ADAMTS16: variants seen among roughly 807,000 people sequenced by gnomAD.
ADAMTS16 encodes the protein ADAM metallopeptidase with thrombospondin type 1 motif 16, also known as A disintegrin and metalloproteinase with thrombospondin motifs 16.
In ADAMTS16, 94 loss-of-function variants were observed where a neutral mutation model predicts 145.8. That is an observed-to-expected ratio of 0.64 (90% CI 0.55 to 0.77). The LOEUF is 0.77. ADAMTS16 is among the 30% of genes least tolerant of loss of function. The probability of loss-of-function intolerance (pLI) is 0.00; values close to 1 mark genes in which losing one functional copy is unlikely to be tolerated. For missense variants in ADAMTS16, 1,585 were observed against 1,591.5 expected (o/e 1.00, Z 0.07); for synonymous variants, 659 against 604.3 (o/e 1.09, Z -1.33).
intron 3 of ADAMTS16, among the ~76,000 whole-genome samples, chr5:5,168,624 ATTAT>A (rs1250369131): frequency 0.13 from 14,703 of 113,396 alleles, 914 homozygotes; most frequent in South Asian, 0.18. Context: ...TATATATTAT[ATTAT>A]ATATAATATA....
chr5:5,223,646 A>T (rs536734626), intron 11 of ADAMTS16: 2 of 152,168 alleles, frequency 1.3e-5, no homozygotes, highest in African/African-American at 4.8e-5. Flanking sequence ...CAAAAGTCGG[A>T]AAAAAAAGAA....
intron 3 of ADAMTS16, among the ~76,000 whole-genome samples, chr5:5,157,623 G>A (rs534131758): frequency 7.5e-4 from 114 of 152,284 alleles, no homozygotes; most frequent in Non-Finnish European, 1.2e-3. Context: ...AGTGAAATGT[G>A]TCTTAAGCAG....
intron 18 of ADAMTS16, among the ~76,000 whole-genome samples, chr5:5,274,141 C>T (rs1008389193): frequency 9.2e-5 from 14 of 152,272 alleles, no homozygotes; most frequent in Middle Eastern, 3.4e-3. Flanking sequence ...GTCCACCCTT[C>T]CCCACCATCA....
intron 11 of ADAMTS16, among the ~76,000 whole-genome samples, chr5:5,227,953 G>T (rs1736817018): frequency 6.6e-6 from 1 of 152,268 alleles, no homozygotes; most frequent in African/African-American, 2.4e-5. Context: ...GTGGAATGAT[G>T]AACAGAACAT....
At chr5:5,173,930 T>A (rs1346905171) in intron 3 of ADAMTS16, among the ~76,000 whole-genome samples, 2 of 152,240 alleles carry the variant, frequency 1.3e-5, no homozygotes, top group Non-Finnish European at 2.9e-5. Flanking sequence ...GTAGTTATTA[T>A]TTTTGATGGT....
chr5:5,141,462 G>T (rs929194684), intron 2 of ADAMTS16, among the ~76,000 whole-genome samples: 13 of 152,200 alleles, frequency 8.5e-5, no homozygotes, highest in Non-Finnish European at 1.6e-4. Flanking sequence ...AGGGATCTCT[G>T]TGTCTTCATA....
At chr5:5,168,366 T>C (rs34877915) in intron 3 of ADAMTS16, among the ~76,000 whole-genome samples, 17,667 of 146,018 alleles carry the variant, frequency 0.12, 1,114 homozygotes, top group African/African-American at 0.15. Context: ...ATTATTATTA[T>C]TATTATTATT....
At chr5:5,201,401 C>G (rs937196972) in intron 9 of ADAMTS16, among the ~76,000 whole-genome samples, 2 of 151,900 alleles carry the variant, frequency 1.3e-5, no homozygotes, top group African/African-American at 4.8e-5. Flanking sequence ...AAATGAAGAA[C>G]AGAGGGAAGG....
chr5:5,168,068 T>A (rs1020802376), intron 3 of ADAMTS16, among the ~76,000 whole-genome samples: 2 of 152,148 alleles, frequency 1.3e-5, no homozygotes, highest in African/African-American at 4.8e-5. Flanking sequence ...CTGAAAGATG[T>A]CACAGAATTG....
chr5:5,300,091 T>C (rs984631875), intron 18 of ADAMTS16, among the ~76,000 whole-genome samples: 1 of 152,136 alleles, frequency 6.6e-6, no homozygotes, highest in African/African-American at 2.4e-5. Context: ...ATCGACCCAG[T>C]TGGAACGTCT....
intron 17 of ADAMTS16, among the ~76,000 whole-genome samples, chr5:5,249,435 G>T (rs934836677): frequency 1.3e-5 from 2 of 152,066 alleles, no homozygotes; most frequent in Non-Finnish European, 2.9e-5. Flanking sequence ...TTGACTCCCT[G>T]CATGAGACCC....
chr5:5,298,021 G>C (rs148867441), intron 18 of ADAMTS16, among the ~76,000 whole-genome samples: 1 of 152,140 alleles, frequency 6.6e-6, no homozygotes, highest in Non-Finnish European at 1.5e-5. Flanking sequence ...TGGGCTGTCC[G>C]TTCCCACATG....
intron 5 of ADAMTS16, 99 bp downstream of exon 5, chr5:5,186,350 T>C: frequency 1.8e-6 from 2 of 1,104,698 alleles, no homozygotes; most frequent in Admixed American, 4.0e-5. Flanking sequence ...ATTTTACTTG[T>C]TACCTGTGGA....
At chr5:5,290,500 C>T (rs1739265925) in intron 18 of ADAMTS16, among the ~76,000 whole-genome samples, 1 of 152,064 alleles carries the variant, frequency 6.6e-6, no homozygotes, top group Non-Finnish European at 1.5e-5. Flanking sequence ...ACTAAAAATA[C>T]AAAAATTAGC....
rs146162678 is a variant in ADAMTS16, at chr5:5,303,754, C to T, written c.3174C>T (p.Ser1058=). 1.1e-4 allele frequency: 175 copies of T among 1,612,848 alleles called. No individual in the cohort carries two copies. In the Middle Eastern group the frequency reaches 2.3e-3, roughly 21 times the overall value. ...HKPKKLQWLV[S]AWSQCSVTCE... is the part of the protein sequence containing the mutation. ...CCAAGAAGCTGCAGTGGCTGGTGTC[C>T]GCCTGGTCCCAGGTAGGTGCACTGG... Residue 1058 remains serine, a synonymous_variant, in exon 20 of 23, where the codon TCC becomes TCT. Coordinates refer to ENST00000274181, the MANE Select transcript of ADAMTS16 (RefSeq NM_139056.4).
intron 18 of ADAMTS16, among the ~76,000 whole-genome samples, chr5:5,280,187 A>C (rs1205271943): frequency 6.6e-6 from 1 of 152,080 alleles, no homozygotes; most frequent in Non-Finnish European, 1.5e-5. Flanking sequence ...AGGCACGTTA[A>C]GACTGAGTCA....
chr5:5,211,425 A>C (rs1261422344), intron 10 of ADAMTS16, among the ~76,000 whole-genome samples: 1 of 152,166 alleles, frequency 6.6e-6, no homozygotes, highest in Non-Finnish European at 1.5e-5. Context: ...TCATAATGAT[A>C]ATATGTATTT....
At chr5:5,160,741 A>G (rs1047719606) in intron 3 of ADAMTS16, among the ~76,000 whole-genome samples, 7 of 137,872 alleles carry the variant, frequency 5.1e-5, no homozygotes, top group African/African-American at 1.9e-4. Flanking sequence ...AAAACTTTAC[A>G]AACTTAAAAA....
intron 17 of ADAMTS16, among the ~76,000 whole-genome samples, chr5:5,248,113 T>C (rs949172573): frequency 2.0e-5 from 3 of 152,274 alleles, no homozygotes; most frequent in Admixed American, 2.0e-4. Flanking sequence ...GAACACCGTC[T>C]GGTTTTCCAT....
Sources: allele counts gnomAD v4.1 joint callset (sites outside exome capture counted in the v4.1 genomes callset), GRCh38; gene constraint gnomAD v4.1.1; transcripts MANE v1.5; gene names NCBI Gene and HGNC (gene_info 2026-07-23, HGNC 2026-07-21).